The following ZMYM6 variants were observed in gnomAD, a reference collection of about 807,000 sequenced individuals.
ZMYM6 encodes zinc finger MYM-type protein 6.
In ZMYM6, 90 loss-of-function variants were observed where a neutral mutation model predicts 134.0. That is an observed-to-expected ratio of 0.67 (90% confidence interval 0.57 to 0.80). The LOEUF is 0.80. Among genes scored for constraint, ZMYM6 ranks in the 30% least tolerant of loss-of-function variants. ZMYM6 has a pLI of 0.00. For missense variants in ZMYM6, 1,362 were observed against 1,533.9 expected (o/e 0.89, Z 1.87); for synonymous variants, 481 against 524.1 (o/e 0.92, Z 1.12).
chr1:35,019,998 A>G (rs1641276157), intron 3 of ZMYM6, among the ~76,000 whole-genome samples: 1 of 152,116 alleles, frequency 6.6e-6, no homozygotes, highest in Non-Finnish European at 1.5e-5. Flanking sequence ...ACAAATTCCC[A>G]ATCTTGAAAT....
chr1:35,004,108 A>G (rs574159060), intron 13 of ZMYM6, 103 bp from the exon 14 acceptor site: 9 of 1,008,026 alleles, frequency 8.9e-6, no homozygotes, highest in Non-Finnish European at 1.3e-5. Flanking sequence ...TAGAGTCTAA[A>G]CCAGAGTTTC....
In ZMYM6 at chr1:34,986,527, A is replaced by G; in HGVS notation, c.*577T>C. On this transcript the variant is annotated 3_prime_UTR_variant, in exon 16 of 16. Transcript: ENST00000357182. ...GGAGATAGAGACCAGCCTGACCAAT[A>G]TGGTGAAACCCCGTCTCTACTAAAA... The G allele has an allele frequency of 6.6e-6, 1 of 152,252 alleles. No homozygotes were observed. The highest frequency in any genetic ancestry group is 1.5e-5 in the Non-Finnish European group (1 of 68,106). The allele number at this position is 152,252 out of a possible 1,614,324, so 9.4% of individuals were successfully genotyped here.
chr1:34,996,484 T>C (rs1004215884), intron 14 of ZMYM6, among the ~76,000 whole-genome samples: 13 of 152,348 alleles, frequency 8.5e-5, no homozygotes, highest in African/African-American at 3.1e-4. Flanking sequence ...AATTCTCCCC[T>C]AGTCATTCAA....
chr1:35,011,485 G>C (rs1226199424), intron 8 of ZMYM6, among the ~76,000 whole-genome samples: 1 of 152,140 alleles, frequency 6.6e-6, no homozygotes, highest in African/African-American at 2.4e-5. Flanking sequence ...GGAGAAAATG[G>C]GACAAGTGGA....
rs550121833 is a variant in ZMYM6 at position 35,013,937 on chromosome 1, G to A, written c.795+760C>T. On this transcript the variant is annotated intron_variant, in intron 6 of 15. Transcript: ENST00000357182. ...GAACCCCTGACCTCGTGATCCACCC[G>A]CCTTGACCTCCCAAAGTGCTGGGAT... Among the ~76,000 whole-genome samples the A allele has an allele frequency of 7.9e-5, 12 of 152,198 alleles. No homozygotes were observed. In the East Asian group the frequency reaches 1.5e-3, roughly 20 times the overall value.
intron 14 of ZMYM6, among the ~76,000 whole-genome samples, chr1:34,995,397 C>T (rs1053488382): frequency 4.0e-4 from 56 of 139,666 alleles, no homozygotes; most frequent in Non-Finnish European, 6.1e-4. Flanking sequence ...TATATATATA[C>T]ACACACACAC....
At chr1:34,996,579 T>A (rs1640789042) in intron 14 of ZMYM6, among the ~76,000 whole-genome samples, 2 of 150,148 alleles carry the variant, frequency 1.3e-5, no homozygotes, top group Admixed American at 1.3e-4. Context: ...TGTGTGTGTA[T>A]GTGTGTGTGT....
At chr1:34,992,076 T>C in intron 15 of ZMYM6, 158 bp downstream of exon 15, 2 of 913,258 alleles carry the variant, frequency 2.2e-6, no homozygotes, top group East Asian at 2.7e-5. Flanking sequence ...TTAATAATTA[T>C]GAAAGCAATA....
rs1641162177 is a variant in ZMYM6, at chr1:35,015,307, A to C, written c.429-145T>G. On this transcript the variant is annotated intron_variant, in intron 4 of 15. Coordinates refer to ENST00000357182, the MANE Select transcript of ZMYM6 (RefSeq NM_007167.4). ...GGAATCTGCAAACCTGGGTTTGATG[A>C]GTTCTGCTATTTATCAGGTGAGTGA... 5 of 694,782 alleles carry C rather than the reference A, an allele frequency of 7.2e-6. No individual in the cohort carries two copies. In the Admixed American group the frequency reaches 1.6e-4, roughly 23 times the overall value. 43.0% of individuals were successfully genotyped at this position (694,782 alleles called of 1,614,324 possible).
At chr1:35,030,897 T>C (rs1292044451) in intron 1 of ZMYM6, 184 bp from the exon 2 acceptor site, 1 of 475,112 alleles carries the variant, frequency 2.1e-6, no homozygotes, top group Admixed American at 4.2e-5. Context: ...GAAAACAGTT[T>C]TGGGGCAACA....
In ZMYM6 at chr1:35,012,489, C is replaced by T. The variant is rs959346707; in HGVS notation, c.888G>A (p.Glu296=). The T allele has an allele frequency of 1.2e-6, 2 of 1,612,756 alleles. No homozygotes were observed. Among genetic ancestry groups the T allele is most frequent in the South Asian group, 1.1e-5 (1 of 90,724 alleles). Residue 296 remains glutamate, a synonymous_variant, in exon 7 of 16, where the codon GAG becomes GAA. Coordinates refer to ENST00000357182, the MANE Select transcript of ZMYM6 (RefSeq NM_007167.4). ...IETTNDSGKT[E]LFCSINCLSA... ...ATAAGCAATTAATAGAGCAGAAAAGCTCTGTTTTTCCTGAATCATTTGTAG... is the reference window on the plus strand; with the variant it reads ...ATAAGCAATTAATAGAGCAGAAAAGTTCTGTTTTTCCTGAATCATTTGTAG...
At chr1:34,991,895 TCAAA>T (rs1262323189) in intron 15 of ZMYM6, among the ~76,000 whole-genome samples, 3 of 152,078 alleles carry the variant, frequency 2.0e-5, no homozygotes, top group African/African-American at 7.2e-5. Flanking sequence ...CAAGTAAAGC[TCAAA>T]CAATTTTCAT....
intron 11 of ZMYM6, 100 bp from the exon 12 acceptor site, chr1:35,007,198 G>A (rs907791886): frequency 1.2e-5 from 15 of 1,213,320 alleles, no homozygotes; most frequent in Middle Eastern, 2.0e-4. Flanking sequence ...GGATATATGA[G>A]TCAGTTGAGA....
intron 2 of ZMYM6, among the ~76,000 whole-genome samples, chr1:35,020,728 A>G (rs1017074687): frequency 3.9e-5 from 6 of 151,934 alleles, no homozygotes; most frequent in African/African-American, 7.3e-5. Context: ...ATGTGCTACC[A>G]CACCCAACTA....
chr1:35,027,008 TA>T (rs1362770287), intron 2 of ZMYM6, among the ~76,000 whole-genome samples: 1 of 151,658 alleles, frequency 6.6e-6, no homozygotes, highest in African/African-American at 2.4e-5. Context: ...ACTATACAAT[TA>T]AAAAAAAGAG....
chr1:34,994,194 T>C (rs1210425775), intron 14 of ZMYM6, among the ~76,000 whole-genome samples: 1 of 152,188 alleles, frequency 6.6e-6, no homozygotes, highest in Non-Finnish European at 1.5e-5. Flanking sequence ...GTTCTGCTCA[T>C]ATGAGCCTTA....
At chr1:35,023,109 CTT>C (rs891282639) in intron 2 of ZMYM6, among the ~76,000 whole-genome samples, 1 of 147,416 alleles carries the variant, frequency 6.8e-6, no homozygotes, top group African/African-American at 2.5e-5. Context: ...AATGCTAGTT[CTT>C]TTTTTTTTTC....
In ZMYM6 at chr1:35,019,426, G is replaced by A. The variant is rs760456716; in HGVS notation, c.355C>T (p.Arg119Ter). The A allele has an allele frequency of 5.0e-6, 8 of 1,614,138 alleles. No individual in the cohort carries two copies. The highest frequency in any genetic ancestry group is 2.2e-5 in the East Asian group (1 of 44,888). The stretch of plus-strand genomic sequence containing the variant: ...GGTGAAGAATGTCTGGTGATGCATC[G>A]TGTGGAGCAGAAGAGCTGAGTAGAT... ...TGSTQLFCST[R>*]CITRHSSPAC... The change falls in exon 4 of 16, where the codon CGA becomes TGA. Residue 119 changes from arginine (R) to a stop codon, truncating the protein, a stop_gained. Coordinates refer to ENST00000357182, the MANE Select transcript of ZMYM6 (RefSeq NM_007167.4). LOFTEE classifies it high-confidence loss of function.
chr1:35,018,945 G>A (rs936856828), intron 4 of ZMYM6: 12 of 213,018 alleles, frequency 5.6e-5, no homozygotes, highest in South Asian at 1.4e-4. Flanking sequence ...ACATTTTTGC[G>A]ACCATGTAGA....
Sources: gnomAD v4.1 joint callset for allele counts (sites outside exome capture counted in the v4.1 genomes callset) on GRCh38, gnomAD v4.1.1 for gene constraint, MANE v1.5 for transcripts, NCBI Gene and HGNC (gene_info 2026-07-23, HGNC 2026-07-21) for gene names.